DNAH11: variants seen among roughly 807,000 people sequenced by gnomAD.
The protein encoded by DNAH11 is axonemal beta dynein heavy chain 11.
In DNAH11, 442 loss-of-function variants were observed where a neutral mutation model predicts 526.0. The observed-to-expected ratio is 0.84, with a 90% confidence interval of 0.78 to 0.91. DNAH11 has a LOEUF of 0.91. Ranked by LOEUF, DNAH11 falls within the 40% of genes least tolerant of loss-of-function variation. The pLI is 0.00. For missense variants in DNAH11, 6,989 were observed against 5,448.7 expected (o/e 1.28, Z -8.90); for synonymous variants, 2,461 against 1,935.9 (o/e 1.27, Z -7.12).
In DNAH11 at chr7:21,787,922, A is replaced by G. The variant is rs140344638; in HGVS notation, c.9924+339A>G. Among the ~76,000 whole-genome samples, 747 of 152,312 alleles carry G rather than the reference A, an allele frequency of 4.9e-3. 8 individuals are homozygous for G. The highest frequency in any genetic ancestry group is 0.017 in the African/African-American group (711 of 41,570). ...CAACTGCAAATCTGAATTCACATCA[A>G]ATGAAATGTAGCGCCTGCTCTCAAA... On this transcript the variant is annotated intron_variant, in intron 60 of 81. Transcript: ENST00000409508.
chr7:21,561,285 T>C, intron 5 of DNAH11, 115 bp downstream of exon 5: 2 of 714,698 alleles, frequency 2.8e-6, no homozygotes, highest in Non-Finnish European at 4.8e-6. Context: ...TGATTGCTCA[T>C]GGCTCTTCTA....
intron 65 of DNAH11, among the ~76,000 whole-genome samples, chr7:21,820,473 G>T (rs762562693): frequency 4.6e-5 from 7 of 152,320 alleles, no homozygotes; most frequent in Non-Finnish European, 8.8e-5. Context: ...TTGTGAGGTA[G>T]ACAAGTGGGA....
At chr7:21,653,915 A>C (rs941957256) in intron 28 of DNAH11, among the ~76,000 whole-genome samples, 1 of 152,194 alleles carries the variant, frequency 6.6e-6, no homozygotes, top group South Asian at 2.1e-4. Flanking sequence ...TGTCATGCAG[A>C]AAATTTAGGC....
intron 70 of DNAH11, among the ~76,000 whole-genome samples, chr7:21,865,036 A>G (rs977226089): frequency 2.6e-5 from 4 of 152,236 alleles, no homozygotes; most frequent in African/African-American, 9.6e-5. Flanking sequence ...TTTTCTAAAT[A>G]GTTCTTTAAA....
At chr7:21,564,142 A>G in intron 5 of DNAH11, 44 bp from the exon 6 acceptor site, 2 of 1,462,302 alleles carry the variant, frequency 1.4e-6, no homozygotes, top group Non-Finnish European at 9.2e-7. Flanking sequence ...GAAAAAAAAA[A>G]AAAACAAACC....
At position 21,901,339 on chromosome 7, in the gene DNAH11, T is replaced by TCTAACTTTTTA. The variant is rs2128053750; in HGVS notation, c.*86_*96dup. 1 of 1,414,478 alleles carries TCTAACTTTTTA rather than the reference T, an allele frequency of 7.1e-7. No individual in the cohort carries two copies. Among genetic ancestry groups the TCTAACTTTTTA allele is most frequent in the Non-Finnish European group, 9.3e-7 (1 of 1,076,014 alleles). 87.6% of individuals were successfully genotyped at this position (1,414,478 alleles called of 1,614,324 possible). ...GCTGCACTGTTCCCATGCACATTAT[T>TCTAACTTTTTA]CTAACTTTTTAGTAACTCACACGTG... On this transcript the variant is annotated 3_prime_UTR_variant, in exon 82 of 82. Transcript: ENST00000409508.
chr7:21,838,716 C>CTATTTATTTATTTATTTATT lies in DNAH11; in HGVS notation c.10692-3814_10692-3795dup, dbSNP rs34468017. Among the ~76,000 whole-genome samples the CTATTTATTTATTTATTTATT allele has an allele frequency of 6.1e-3, 902 of 148,984 alleles. 13 individuals are homozygous for CTATTTATTTATTTATTTATT. The highest frequency in any genetic ancestry group is 0.02 in the African/African-American group (784 of 40,042). On this transcript the variant is annotated intron_variant, in intron 65 of 81. Transcript: ENST00000409508. ...ATATTTCATTGTTTGGATTTTTAAACTATTTATTTATTTATTTATTTATTT... is the reference window on the plus strand; with the variant it reads ...ATATTTCATTGTTTGGATTTTTAAACTATTTATTTATTTATTTATTTATTTATTTATTTATTTATTTATTT...
chr7:21,774,612 C>T (rs567722085), intron 56 of DNAH11, among the ~76,000 whole-genome samples: 2 of 152,278 alleles, frequency 1.3e-5, no homozygotes, highest in South Asian at 4.2e-4. Flanking sequence ...AAAAGGATTT[C>T]ATGAAGTAGT....
chr7:21,727,082 C>T (rs1467055078), intron 45 of DNAH11, among the ~76,000 whole-genome samples: 15 of 150,284 alleles, frequency 1.0e-4, no homozygotes, highest in African/African-American at 2.4e-4. Context: ...TACAGGTGCC[C>T]GCCACCACGC....
intron 36 of DNAH11, 87 bp downstream of exon 36, chr7:21,698,300 A>C (rs539499060): frequency 1.5e-5 from 23 of 1,551,758 alleles, no homozygotes; most frequent in Middle Eastern, 1.7e-4. Flanking sequence ...TTATCATTCA[A>C]ATTACATTAG....
intron 28 of DNAH11, among the ~76,000 whole-genome samples, chr7:21,650,945 C>T (rs1383642583): frequency 5.6e-5 from 7 of 125,350 alleles, no homozygotes; most frequent in Non-Finnish European, 8.2e-5. Context: ...GGGCCCAAAA[C>T]TGTTATTTTA....
chr7:21,710,715 C>T lies in DNAH11; in HGVS notation c.6834+12C>T, dbSNP rs1354093194. ...TGGATGATAACAAGGTGAATAAAAC[C>T]TCTGTTCTCAACCTTAAATATAACA... On this transcript the variant is annotated intron_variant, in intron 41 of 81. Coordinates refer to ENST00000409508, the MANE Select transcript of DNAH11 (RefSeq NM_001277115.2). 1.2e-6 allele frequency: 2 copies of T among 1,605,338 alleles called. No homozygotes were observed. Among genetic ancestry groups the T allele is most frequent in the Non-Finnish European group, 1.7e-6 (2 of 1,176,068 alleles).
intron 65 of DNAH11, among the ~76,000 whole-genome samples, chr7:21,833,776 T>G (rs1356002688): frequency 6.6e-6 from 1 of 152,184 alleles, no homozygotes. Flanking sequence ...ATAAGTTTTA[T>G]TGTAGAGATG....
chr7:21,793,842 T>C (rs1173301234), intron 61 of DNAH11, among the ~76,000 whole-genome samples: 1 of 152,206 alleles, frequency 6.6e-6, no homozygotes, highest in East Asian at 1.9e-4. Context: ...TATATACTTC[T>C]TTCTTTGAAC....
intron 51 of DNAH11, among the ~76,000 whole-genome samples, chr7:21,747,587 G>A (rs1322475353): frequency 1.3e-5 from 2 of 152,158 alleles, no homozygotes; most frequent in African/African-American, 4.8e-5. Flanking sequence ...ATTTATAGCT[G>A]TAAAATATAG....
chr7:21,784,562 C>G (rs989227366), intron 58 of DNAH11, 22 bp downstream of exon 58: 2 of 1,530,206 alleles, frequency 1.3e-6, no homozygotes, highest in African/African-American at 1.4e-5. Flanking sequence ...TTATTGGTCC[C>G]TGAGTTTCCT....
intron 61 of DNAH11, among the ~76,000 whole-genome samples, chr7:21,789,808 T>TTTCTTTCTTTCTTTC (rs1788373540): frequency 2.1e-3 from 71 of 34,128 alleles, no homozygotes; most frequent in Middle Eastern, 0.013. Flanking sequence ...TTTCTTTCTT[T>TTTCTTTCTTTCTTTC]TTTCTTTCTT....
chr7:21,546,989 T>C (rs1782827150), intron 2 of DNAH11, among the ~76,000 whole-genome samples: 1 of 152,238 alleles, frequency 6.6e-6, no homozygotes, highest in Non-Finnish European at 1.5e-5. Context: ...CTTTTATCTA[T>C]AGGTGTATAT....
rs537508844 is a variant in DNAH11, at chr7:21,887,440, A to C, written c.12507+3030A>C. ...ATCATATAATACAAACTATTTTAGT[A>C]ATATAGAATAACAAGAATCTGGGGT... On this transcript the variant is annotated intron_variant, in intron 76 of 81. Transcript: ENST00000409508. Among the ~76,000 whole-genome samples the C allele has an allele frequency of 3.9e-5, 6 of 152,382 alleles. No individual in the cohort carries two copies. In the East Asian group the frequency reaches 1.2e-3, roughly 29 times the overall value.
Sources: gnomAD v4.1 joint callset for allele counts (sites outside exome capture counted in the v4.1 genomes callset) on GRCh38, gnomAD v4.1.1 for gene constraint, MANE v1.5 for transcripts, NCBI Gene and HGNC (gene_info 2026-07-23, HGNC 2026-07-21) for gene names.